Variants in SDHB observed in about 807,000 individuals in gnomAD.
The protein encoded by SDHB is succinate dehydrogenase [ubiquinone] iron-sulfur subunit, mitochondrial.
A neutral mutation model predicts 39.7 loss-of-function variants in SDHB; 21 were observed. That is an observed-to-expected ratio of 0.53 (90% CI 0.37 to 0.76). SDHB has a LOEUF of 0.76. SDHB is among the 30% of genes least tolerant of loss of function. SDHB has a pLI of 0.00. For missense variants in SDHB, 343 were observed against 350.9 expected, an observed-to-expected ratio of 0.98 and a Z score of 0.18; for synonymous variants, 118 against 117.0, an observed-to-expected ratio of 1.01 and a Z score of -0.06.
chr1:17,053,238 A>T (rs2078158367), intron 1 of SDHB, among the ~76,000 whole-genome samples: 1 of 152,164 alleles, frequency 6.6e-6, no homozygotes, highest in Non-Finnish European at 1.5e-5. Context: ...AATAAACAAG[A>T]ACAGCGCCAA....
intron 2 of SDHB, among the ~76,000 whole-genome samples, chr1:17,036,358 T>C (rs949390908): frequency 5.3e-5 from 8 of 152,030 alleles, no homozygotes; most frequent in Admixed American, 1.3e-4. Context: ...CCAGGCTGGA[T>C]GGAGTGCAGT....
chr1:17,049,647 C>CTTTTTTTTTTTTTTTTTTTTTTTTT lies in SDHB; in HGVS notation c.72+4276_72+4300dup, dbSNP rs397835910. Among the ~76,000 whole-genome samples the CTTTTTTTTTTTTTTTTTTTTTTTTT allele has an allele frequency of 1.9e-4, 10 of 52,066 alleles. 2 individuals carry two copies. Among genetic ancestry groups the CTTTTTTTTTTTTTTTTTTTTTTTTT allele is most frequent in the African/African-American group, 8.8e-4 (9 of 10,178 alleles). The allele number at this position is 52,066 out of a possible 152,430, so 34.2% of individuals were successfully genotyped here. A position where few individuals can be genotyped will look rare whatever the true frequency, so the allele number is the denominator to read the frequency against. The stretch of plus-strand genomic sequence containing the variant: ...GGGACTGGAGCATAATCCCCTAGTT[C>CTTTTTTTTTTTTTTTTTTTTTTTTT]TTTTTTTTTTTTTTTTTTTTTTTTT... On this transcript the variant is annotated intron_variant, in intron 1 of 7. Coordinates refer to ENST00000375499, the MANE Select transcript of SDHB (RefSeq NM_003000.3).
At chr1:17,046,840 C>A (rs1336592087) in intron 1 of SDHB, among the ~76,000 whole-genome samples, 1 of 152,082 alleles carries the variant, frequency 6.6e-6, no homozygotes, top group Non-Finnish European at 1.5e-5. Flanking sequence ...GCCTCAGTCT[C>A]CCGAGTAGCT....
chr1:17,019,135 T>TAAA (rs973285607), intron 7 of SDHB, among the ~76,000 whole-genome samples, 177 bp from the exon 8 acceptor site: 5 of 152,158 alleles, frequency 3.3e-5, no homozygotes, highest in Non-Finnish European at 7.3e-5. Flanking sequence ...CTACCTTTTT[T>TAAA]AACATTTGAA....
At chr1:17,024,152 T>C in intron 5 of SDHB, 78 bp from the exon 6 acceptor site, 1 of 1,043,800 alleles carries the variant, frequency 9.6e-7, no homozygotes, top group South Asian at 1.3e-5. Context: ...AAATGTTACC[T>C]TTGGGGTCAG....
intron 5 of SDHB, 114 bp from the exon 6 acceptor site, chr1:17,024,188 T>C: frequency 1.3e-6 from 1 of 743,730 alleles, no homozygotes; most frequent in Admixed American, 2.0e-5. Context: ...CCTACTTGCA[T>C]GTGAATTTTC....
chr1:17,043,748 T>C (rs911545269), intron 2 of SDHB, among the ~76,000 whole-genome samples: 1 of 152,158 alleles, frequency 6.6e-6, no homozygotes, highest in African/African-American at 2.4e-5. Flanking sequence ...CTTTTGACGA[T>C]GGAAGAAGAG....
chr1:17,042,025 G>T (rs1395145458), intron 2 of SDHB, among the ~76,000 whole-genome samples: 1 of 151,924 alleles, frequency 6.6e-6, no homozygotes, highest in African/African-American at 2.4e-5. Flanking sequence ...ATGTTCAAGT[G>T]ATTCTCCCCC....
Position 17,044,790 on chromosome 1 carries a change from ATGAGG to A in SDHB, c.166_170del (p.Pro56TyrfsTer5), listed in dbSNP as rs786202100. On this transcript the variant is annotated frameshift_variant, in exon 2 of 8. Transcript: ENST00000375499. LOFTEE classifies it high-confidence loss of function. ...TAAGGTCAACTTCATAAGTCTGCAT[ATGAGG>A]TTTGTCTCCAGCCTTGTCTGGGTCC... The A allele has an allele frequency of 1.2e-6, 2 of 1,614,118 alleles. No homozygotes were observed. Among genetic ancestry groups the A allele is most frequent in the Non-Finnish European group, 1.7e-6 (2 of 1,179,990 alleles).
At chr1:17,039,415 CAAAAAAAAAAA>C (rs34561776) in intron 2 of SDHB, among the ~76,000 whole-genome samples, 2 of 86,400 alleles carry the variant, frequency 2.3e-5, no homozygotes, top group Admixed American at 1.4e-4. Flanking sequence ...CCTGTCTCTA[CAAAAAAAAAAA>C]AAAAAAAAAA....
At chr1:17,041,786 G>T (rs570167228) in intron 2 of SDHB, among the ~76,000 whole-genome samples, 2 of 152,186 alleles carry the variant, frequency 1.3e-5, no homozygotes, top group African/African-American at 4.8e-5. Flanking sequence ...ATGGCTGCAC[G>T]CAAGATGTGG....
At chr1:17,021,979 C>T (rs1397772057) in intron 7 of SDHB, among the ~76,000 whole-genome samples, 1 of 152,212 alleles carries the variant, frequency 6.6e-6, no homozygotes, top group Non-Finnish European at 1.5e-5. Flanking sequence ...CAGCTGTGGC[C>T]TCTGATGTGC....
intron 6 of SDHB, among the ~76,000 whole-genome samples, chr1:17,023,511 C>T (rs1167762595): frequency 6.6e-6 from 1 of 152,228 alleles, no homozygotes. Context: ...ACTTTCTTTG[C>T]AGTGAACATC....
intron 3 of SDHB, among the ~76,000 whole-genome samples, chr1:17,030,776 G>T (rs2746468): frequency 6.6e-6 from 1 of 151,678 alleles, no homozygotes. Context: ...CTGCCTCCCG[G>T]GTTCAAGTGA....
chr1:17,027,392 G>A (rs570185843), intron 5 of SDHB, among the ~76,000 whole-genome samples: 2 of 152,332 alleles, frequency 1.3e-5, no homozygotes, highest in East Asian at 3.9e-4. Flanking sequence ...CAACTGGCCA[G>A]CATATGTGTT....
intron 3 of SDHB, among the ~76,000 whole-genome samples, chr1:17,028,965 T>A (rs1311528289): frequency 2.0e-5 from 3 of 152,162 alleles, no homozygotes; most frequent in Non-Finnish European, 4.4e-5. Context: ...TGTGGCAACC[T>A]TGAGGTTAGA....
intron 5 of SDHB, among the ~76,000 whole-genome samples, chr1:17,024,542 A>C (rs927402710): frequency 2.0e-5 from 3 of 152,150 alleles, no homozygotes; most frequent in African/African-American, 4.8e-5. Flanking sequence ...GCCACTGCCA[A>C]TCCTGACGGA....
In SDHB at chr1:17,023,962, G is replaced by A. The variant is rs1321974936; in HGVS notation, c.642+11C>T. The A allele has an allele frequency of 2.5e-6, 4 of 1,595,536 alleles. No homozygotes were observed. Among genetic ancestry groups the A allele is most frequent in the Middle Eastern group, 1.8e-4 (1 of 5,562 alleles). ...TTCAATTTCTCTTAAAGCAATTAAG[G>A]AGCACCTCACCTGCATAAGAACTGC... On this transcript the variant is annotated intron_variant, in intron 6 of 7. Transcript: ENST00000375499.
intron 3 of SDHB, among the ~76,000 whole-genome samples, chr1:17,029,454 G>A (rs1363208424): frequency 1.3e-5 from 2 of 149,586 alleles, no homozygotes; most frequent in Non-Finnish European, 3.0e-5. Flanking sequence ...TCTTTGAGAA[G>A]GAGTTTTGCT....
Sources: allele counts gnomAD v4.1 joint callset (sites outside exome capture counted in the v4.1 genomes callset), GRCh38; gene constraint gnomAD v4.1.1; transcripts MANE v1.5; gene names NCBI Gene and HGNC (gene_info 2026-07-23, HGNC 2026-07-21).